The following ASXL3 variants were observed in gnomAD, a reference collection of about 807,000 sequenced individuals.
The protein encoded by ASXL3 is putative Polycomb group protein ASXL3.
In ASXL3, 34 loss-of-function variants were observed where a neutral mutation model predicts 170.6. The ratio of observed to expected loss-of-function variants is 0.20; its 90% CI spans 0.15 to 0.27. The LOEUF (loss-of-function observed/expected upper bound fraction) is 0.27, where lower values mean the gene tolerates loss of function less well. Ranked by LOEUF, ASXL3 falls within the 10% of genes least tolerant of loss-of-function variation. The probability of loss-of-function intolerance (pLI) is 1.00; values close to 1 mark genes in which losing one functional copy is unlikely to be tolerated. For synonymous variants in ASXL3, 1,002 were observed against 989.1 expected, an observed-to-expected ratio of 1.01 and a Z score of -0.24; for missense variants, 2,592 against 2,695.3, an observed-to-expected ratio of 0.96 and a Z score of 0.85.
In ASXL3 at chr18:33,740,284, G is replaced by A. The variant is rs2067639690; in HGVS notation, c.2880G>A (p.Glu960=). 1.2e-6 allele frequency: 2 copies of A among 1,612,566 alleles called. No individual in the cohort carries two copies. Among genetic ancestry groups the A allele is most frequent in the Non-Finnish European group, 1.7e-6 (2 of 1,179,194 alleles). The part of the protein sequence containing the change: ...DGIRNESRDS[E]ISKRKTAEQH... The stretch of plus-strand genomic sequence containing the variant: ...TAAGAAATGAAAGTAGAGATTCAGA[G>A]ATATCAAAGAGAAAAACTGCAGAGC... The change falls in exon 11 of 12, where the codon GAG becomes GAA. Residue 960 remains glutamate (E), a synonymous_variant. Transcript: ENST00000269197.
At chr18:33,611,706 A>G (rs992405017) in intron 2 of ASXL3, among the ~76,000 whole-genome samples, 3 of 152,058 alleles carry the variant, frequency 2.0e-5, no homozygotes, top group Non-Finnish European at 4.4e-5. Flanking sequence ...GGGTGCTGCC[A>G]TGGAATATGT....
At chr18:33,599,828 C>A (rs755527340) in intron 1 of ASXL3, among the ~76,000 whole-genome samples, 2 of 151,934 alleles carry the variant, frequency 1.3e-5, no homozygotes, top group Non-Finnish European at 2.9e-5. Flanking sequence ...TTATGCCTGG[C>A]AAGTTTGGAA....
intron 8 of ASXL3, among the ~76,000 whole-genome samples, chr18:33,713,233 T>TTTTTTG (rs1453565906): frequency 2.7e-5 from 2 of 74,870 alleles, no homozygotes; most frequent in African/African-American, 1.5e-4. Flanking sequence ...AAGAAGGTTT[T>TTTTTTG]TTTTGTTTTG....
intron 8 of ASXL3, among the ~76,000 whole-genome samples, chr18:33,702,312 G>A (rs1430285647): frequency 2.0e-5 from 3 of 151,374 alleles, no homozygotes; most frequent in Non-Finnish European, 4.4e-5. Context: ...TTTTTTGCAA[G>A]TGGATATTGT....
rs745478594 is a variant in ASXL3, at chr18:33,738,584, G to A, written c.1180G>A (p.Val394Ile). Reference sequence around the variant, plus strand: ...TTCATGTGGGACTTCTGGCCTTCCAGTTTCTGCACAGACAGCCTTGGCAGA... The same window carrying A: ...TTCATGTGGGACTTCTGGCCTTCCAATTTCTGCACAGACAGCCTTGGCAGA... ...SSSCGTSGLP[V>I]SAQTALAEQQ... The change falls in exon 11 of 12, where the codon GTT becomes ATT. Residue 394 changes from valine to isoleucine, a missense_variant. Coordinates refer to ENST00000269197, the MANE Select transcript of ASXL3 (RefSeq NM_030632.3). 2.5e-6 allele frequency: 4 copies of A among 1,613,788 alleles called. No individual in the cohort carries two copies. The African/African-American group carries it at 4.0e-5, about 16-fold the overall frequency.
intron 11 of ASXL3, among the ~76,000 whole-genome samples, chr18:33,741,431 C>A (rs2067660359): frequency 6.6e-6 from 1 of 151,846 alleles, no homozygotes; most frequent in African/African-American, 2.4e-5. Flanking sequence ...AAATTAAGCA[C>A]TGATGTGAAA....
At chr18:33,656,690 A>G (rs530914238) in intron 4 of ASXL3, among the ~76,000 whole-genome samples, 2 of 152,240 alleles carry the variant, frequency 1.3e-5, no homozygotes, top group Admixed American at 1.3e-4. Context: ...ATCTATAATT[A>G]GTGGCAGGTC....
chr18:33,728,771 T>C (rs1419607865), intron 8 of ASXL3, among the ~76,000 whole-genome samples: 1 of 152,194 alleles, frequency 6.6e-6, no homozygotes, highest in East Asian at 1.9e-4. Context: ...AATACTCCGA[T>C]ACCCTTTCTA....
At chr18:33,670,892 TC>T in intron 6 of ASXL3, 102 bp downstream of exon 6, 1 of 687,790 alleles carries the variant, frequency 1.5e-6, no homozygotes, top group East Asian at 3.1e-5. Context: ...GAATAATACT[TC>T]CACTTGAGGT....
At chr18:33,653,734 A>G (rs1224986129) in intron 4 of ASXL3, among the ~76,000 whole-genome samples, 9 of 152,060 alleles carry the variant, frequency 5.9e-5, no homozygotes, top group African/African-American at 2.2e-4. Context: ...TTCTAATAGT[A>G]TATGATCCGG....
Position 33,734,375 on chromosome 18 carries a change from C to T in ASXL3, c.1042C>T (p.Pro348Ser). ...AATTGAGAAGGAAAAGAAAACAGAACCTTGGAAAGAAAAATTCTTTGAGAG... is the reference window on the plus strand; with the variant it reads ...AATTGAGAAGGAAAAGAAAACAGAATCTTGGAAAGAAAAATTCTTTGAGAG... ...QEIEKEKKTEPWKEKFFERFY... is the reference protein window; with the variant it reads ...QEIEKEKKTESWKEKFFERFY... Residue 348 changes from proline to serine, a missense_variant, in exon 10 of 12, where the codon CCT becomes TCT. By Grantham distance (74) the Pro-to-Ser change is moderately conservative. Transcript: ENST00000269197. 6.2e-7 allele frequency: 1 copy of T among 1,607,906 alleles called. No individual in the cohort carries two copies.
At chr18:33,669,839 G>T (rs937251413) in intron 5 of ASXL3, among the ~76,000 whole-genome samples, 2 of 152,148 alleles carry the variant, frequency 1.3e-5, no homozygotes, top group Admixed American at 1.3e-4. Flanking sequence ...TGGCTCTTCA[G>T]TTTCGTGTGC....
intron 2 of ASXL3, among the ~76,000 whole-genome samples, chr18:33,630,667 C>A (rs1227151125): frequency 6.6e-6 from 1 of 151,890 alleles, no homozygotes; most frequent in African/African-American, 2.4e-5. Context: ...GAGCTGAATT[C>A]TTTTGACATT....
chr18:33,623,197 T>C lies in ASXL3; in HGVS notation c.137+15521T>C, dbSNP rs74691297. ...TAGCTTCAATTAATCACTTTATCTT[T>C]GCAATTTCATTTTAACGTAATATGT... On this transcript the variant is annotated intron_variant, in intron 2 of 11. Transcript: ENST00000269197. Among the ~76,000 whole-genome samples, 15 of 152,294 alleles carry C rather than the reference T, an allele frequency of 9.8e-5. No individual in the cohort carries two copies. In the East Asian group the frequency reaches 2.9e-3, roughly 29 times the overall value.
chr18:33,743,579 C>G lies in ASXL3; in HGVS notation c.3731C>G (p.Ala1244Gly). ...NSVPVSVCSTAISGAIKEHPF... is the reference protein window; with the variant it reads ...NSVPVSVCSTGISGAIKEHPF... ...GTCCCTGTATCTGTTTGCAGCACTG[C>G]TATATCGGGAGCAATTAAAGAACAT... Residue 1244 changes from alanine to glycine, a missense_variant, in exon 12 of 12, where the codon GCT (alanine) becomes GGT (glycine). Physicochemically the swap from Ala to Gly is moderately conservative, Grantham distance 60. Transcript: ENST00000269197. 6.2e-7 allele frequency: 1 copy of G among 1,613,194 alleles called. No individual in the cohort carries two copies. The highest frequency in any genetic ancestry group is 8.5e-7 in the Non-Finnish European group (1 of 1,179,884).
chr18:33,662,599 T>G (rs1428073478), intron 5 of ASXL3, among the ~76,000 whole-genome samples: 1 of 152,128 alleles, frequency 6.6e-6, no homozygotes, highest in Non-Finnish European at 1.5e-5. Flanking sequence ...CATCGTATGA[T>G]GATAACACAA....
chr18:33,668,869 A>T (rs572676621), intron 5 of ASXL3, among the ~76,000 whole-genome samples: 1 of 150,210 alleles, frequency 6.7e-6, no homozygotes, highest in South Asian at 2.1e-4. Context: ...TTTTCCCTAA[A>T]TATTTTCTAA....
intron 4 of ASXL3, among the ~76,000 whole-genome samples, chr18:33,648,483 T>G (rs2065949503): frequency 6.6e-6 from 1 of 152,054 alleles, no homozygotes; most frequent in African/African-American, 2.4e-5. Context: ...GGGAACCAGT[T>G]AAGGGGAGGG....
intron 5 of ASXL3, among the ~76,000 whole-genome samples, chr18:33,665,374 T>A (rs558875784): frequency 3.9e-5 from 6 of 152,344 alleles, no homozygotes; most frequent in African/African-American, 1.4e-4. Context: ...ATTCCAAAGG[T>A]TATATTGCAT....
Sources: allele counts gnomAD v4.1 joint callset (sites outside exome capture counted in the v4.1 genomes callset), GRCh38; gene constraint gnomAD v4.1.1; transcripts MANE v1.5; gene names NCBI Gene and HGNC (gene_info 2026-07-23, HGNC 2026-07-21).